The following EPB41L4A variants were observed in gnomAD, a reference collection of about 807,000 sequenced individuals.
EPB41L4A encodes band 4.1-like protein 4A.
In EPB41L4A, 100 loss-of-function variants were observed where a neutral mutation model predicts 108.6. That is an observed-to-expected ratio of 0.92 (90% CI 0.78 to 1.09). The LOEUF is 1.09. Among genes scored for constraint, EPB41L4A ranks in the 50% least tolerant of loss-of-function variants. EPB41L4A has a pLI of 0.00. For missense variants in EPB41L4A, 1,030 were observed against 842.7 expected, an observed-to-expected ratio of 1.22 and a Z score of -2.75; for synonymous variants, 319 against 289.0, an observed-to-expected ratio of 1.10 and a Z score of -1.05.
rs7711853 is a variant in EPB41L4A, at chr5:112,419,040, G to A, written c.-1C>T. On this transcript the variant is annotated 5_prime_UTR_variant, in exon 1 of 23. Transcript: ENST00000261486. The stretch of plus-strand genomic sequence containing the variant: ...CCGGAACAGCGCAGAAACAGCCCAT[G>A]TCGGTTGTGGTCGTCTCCAGCCAGG... 9,178 of 1,611,528 alleles carry A rather than the reference G, an allele frequency of 5.7e-3. 419 individuals carry two copies. The African/African-American group carries it at 0.1, about 18-fold the overall frequency.
chr5:112,305,549 A>G (rs78371387), intron 2 of EPB41L4A, among the ~76,000 whole-genome samples: 2,057 of 152,242 alleles, frequency 0.014, 44 homozygotes, highest in African/African-American at 0.047. Flanking sequence ...TATTTGTTTT[A>G]AGTAACTGTC....
intron 1 of EPB41L4A, among the ~76,000 whole-genome samples, chr5:112,412,675 T>G (rs1762478670): frequency 6.6e-6 from 1 of 152,080 alleles, no homozygotes; most frequent in African/African-American, 2.4e-5. Context: ...AAACAAACGG[T>G]GGTTAGTCAT....
intron 11 of EPB41L4A, among the ~76,000 whole-genome samples, chr5:112,235,956 A>G (rs1749303193): frequency 6.6e-6 from 1 of 152,194 alleles, no homozygotes; most frequent in South Asian, 2.1e-4. Flanking sequence ...AGATTTCCAA[A>G]AAGCTAAAAA....
At chr5:112,340,465 T>G (rs1306475615) in intron 1 of EPB41L4A, among the ~76,000 whole-genome samples, 1 of 152,184 alleles carries the variant, frequency 6.6e-6, no homozygotes, top group Non-Finnish European at 1.5e-5. Flanking sequence ...GACCCCTGCT[T>G]TGGCTTTTAT....
intron 12 of EPB41L4A, among the ~76,000 whole-genome samples, chr5:112,149,809 A>C (rs1361452403): frequency 6.6e-6 from 1 of 152,182 alleles, no homozygotes; most frequent in Non-Finnish European, 1.5e-5. Flanking sequence ...AATAACAGGA[A>C]TCCAAAGCAA....
At chr5:112,353,751 G>A (rs1053483709) in intron 1 of EPB41L4A, among the ~76,000 whole-genome samples, 6 of 152,102 alleles carry the variant, frequency 3.9e-5, no homozygotes, top group African/African-American at 1.2e-4. Flanking sequence ...GAATCCTTGG[G>A]TCCCCAAACA....
chr5:112,383,453 T>C lies in EPB41L4A; in HGVS notation c.99+35488A>G, dbSNP rs73214244. Among the ~76,000 whole-genome samples, 506 of 152,222 alleles carry C rather than the reference T, an allele frequency of 3.3e-3. 3 individuals carry two copies. The highest frequency in any genetic ancestry group is 0.012 in the African/African-American group (489 of 41,522). On this transcript the variant is annotated intron_variant, in intron 1 of 22. Transcript: ENST00000261486. ...GTACTGAAAGAAAAATTTGAACAAA[T>C]GGAGAGGCAGAGCATGTTGTTGGAT...
chr5:112,269,388 G>T (rs1453357725), intron 4 of EPB41L4A, among the ~76,000 whole-genome samples: 1 of 152,032 alleles, frequency 6.6e-6, no homozygotes, highest in Admixed American at 6.5e-5. Flanking sequence ...ATTTTCATAT[G>T]TTAAACATTT....
chr5:112,149,814 A>C (rs1395386971), intron 12 of EPB41L4A, among the ~76,000 whole-genome samples: 1 of 152,226 alleles, frequency 6.6e-6, no homozygotes, highest in Non-Finnish European at 1.5e-5. Flanking sequence ...CAGGAATCCA[A>C]AGCAAGTTCT....
chr5:112,419,923 G>A (rs183494093), upstream of EPB41L4A: 7,343 of 456,376 alleles, frequency 0.016, 102 homozygotes, highest in South Asian at 0.034. Flanking sequence ...GCAAAGCGGG[G>A]AGGCGGGGAC....
At chr5:112,170,228 A>G (rs1262885950) in intron 20 of EPB41L4A, 73 bp downstream of exon 20, 4 of 1,419,326 alleles carry the variant, frequency 2.8e-6, no homozygotes, top group Non-Finnish European at 3.9e-6. Flanking sequence ...TCTGGAACAC[A>G]ATTGAAGAAT....
At chr5:112,330,014 C>T (rs1756453337) in intron 1 of EPB41L4A, among the ~76,000 whole-genome samples, 1 of 152,096 alleles carries the variant, frequency 6.6e-6, no homozygotes, top group African/African-American at 2.4e-5. Flanking sequence ...CCCAACTGCA[C>T]CACAGACTGG....
At chr5:112,418,136 AAAC>A (rs1762822747) in intron 1 of EPB41L4A, among the ~76,000 whole-genome samples, 1 of 152,224 alleles carries the variant, frequency 6.6e-6, no homozygotes, top group Non-Finnish European at 1.5e-5. Context: ...AAGATAAACA[AAAC>A]AACAAAACGC....
intron 2 of EPB41L4A, among the ~76,000 whole-genome samples, chr5:112,305,644 C>G (rs778454114): frequency 6.6e-6 from 1 of 152,026 alleles, no homozygotes; most frequent in South Asian, 2.1e-4. Context: ...ATTCTCAGAG[C>G]CTCCTACAAT....
At chr5:112,143,732 AG>A (rs1561424355) in exon 14 of EPB41L4A, 3 of 337,282 alleles carry the variant, frequency 8.9e-6, no homozygotes, top group Non-Finnish European at 1.2e-5. Context: ...ACTCCAATAT[AG>A]AAAAGTCCCA....
intron 1 of EPB41L4A, among the ~76,000 whole-genome samples, chr5:112,413,390 T>C (rs2112824671): frequency 6.6e-6 from 1 of 152,288 alleles, no homozygotes; most frequent in African/African-American, 2.4e-5. Flanking sequence ...TCTTTTCTAG[T>C]AAAAATAAAA....
intron 2 of EPB41L4A, among the ~76,000 whole-genome samples, chr5:112,304,176 C>A (rs1331377529): frequency 2.0e-5 from 3 of 152,158 alleles, no homozygotes; most frequent in African/African-American, 7.2e-5. Flanking sequence ...GTGCTTCACA[C>A]ATTCCCCCTC....
chr5:112,220,717 C>G (rs1359342758), intron 12 of EPB41L4A, among the ~76,000 whole-genome samples: 1 of 152,204 alleles, frequency 6.6e-6, no homozygotes, highest in East Asian at 1.9e-4. Context: ...AAGCCCCTCT[C>G]ATCTCCCAAC....
chr5:112,240,847 C>T (rs575939405), intron 9 of EPB41L4A, 37 bp from the exon 10 acceptor site: 1 of 1,312,444 alleles, frequency 7.6e-7, no homozygotes, highest in African/African-American at 1.5e-5. Flanking sequence ...GAATAATGAC[C>T]AGGGAAGGAA....
Sources: allele counts gnomAD v4.1 joint callset (sites outside exome capture counted in the v4.1 genomes callset), GRCh38; gene constraint gnomAD v4.1.1; transcripts MANE v1.5; gene names NCBI Gene and HGNC (gene_info 2026-07-23, HGNC 2026-07-21).